Variants in EFNB2 observed in about 807,000 individuals in gnomAD.
The protein encoded by EFNB2 is ephrin B2, also known as ephrin-B2.
EFNB2 carries 5 observed loss-of-function variants against 32.1 expected under a neutral mutation model. The observed-to-expected ratio is 0.16, with a 90% CI of 0.08 to 0.33. The LOEUF is 0.33. Ranked by LOEUF, EFNB2 falls within the 10% of genes least tolerant of loss-of-function variation. The pLI is 1.00. For missense variants in EFNB2, 263 were observed against 422.6 expected, an observed-to-expected ratio of 0.62 and a Z score of 3.31; for synonymous variants, 168 against 166.5, an observed-to-expected ratio of 1.01 and a Z score of -0.07.
intron 1 of EFNB2, among the ~76,000 whole-genome samples, chr13:106,534,044 C>A (rs566801127): frequency 6.6e-6 from 1 of 152,168 alleles, no homozygotes; most frequent in East Asian, 1.9e-4. Flanking sequence ...TACCAGGGTC[C>A]CGAGGGAGAA....
In EFNB2 at chr13:106,531,506, A is replaced by G. The variant is rs1215193932; in HGVS notation, c.122+3337T>C. Among the ~76,000 whole-genome samples, 5 of 152,236 alleles carry G rather than the reference A, an allele frequency of 3.3e-5. No individual in the cohort carries two copies. The East Asian group carries it at 9.6e-4, about 29-fold the overall frequency. On this transcript the variant is annotated intron_variant, in intron 1 of 4. Transcript: ENST00000646441. ...GGAGCATAGTTCAAGGGGCTATTCA[A>G]TCAGTGCTGAATGTGCATTTGTTTA...
In EFNB2 at chr13:106,493,233, C is replaced by T. The variant is rs1435870127; in HGVS notation, c.809G>A (p.Ser270Asn). Residue 270 changes from serine (S) to asparagine (N), a missense_variant, in exon 5 of 5, where the codon AGC becomes AAC. Coordinates refer to ENST00000646441, the MANE Select transcript of EFNB2 (RefSeq NM_004093.4). This position sits in a 1 kb window ranked among gnomAD's most constrained non-coding sequence, Gnocchi z 6.1. ...GCTGCGCTTGGGTGTGGCCAGTGTGCTGAGCGACAGCGTGGTCGTGTGCTG... is the reference window on the plus strand; with the variant it reads ...GCTGCGCTTGGGTGTGGCCAGTGTGTTGAGCGACAGCGTGGTCGTGTGCTG... Reference protein sequence around the residue: ...SPQHTTTLSLSTLATPKRSGN... With the variant: ...SPQHTTTLSLNTLATPKRSGN... 6.2e-7 allele frequency: 1 copy of T among 1,614,168 alleles called. No homozygotes were observed. The highest frequency in any genetic ancestry group is 1.1e-5 in the South Asian group (1 of 91,070).
chr13:106,511,399 T>A (rs1011734980), intron 2 of EFNB2, among the ~76,000 whole-genome samples: 1 of 152,212 alleles, frequency 6.6e-6, no homozygotes, highest in African/African-American at 2.4e-5. Context: ...GAGGATCACT[T>A]GAGCCCTGGA....
intron 1 of EFNB2, among the ~76,000 whole-genome samples, chr13:106,528,861 G>A (rs1354243542): frequency 6.6e-6 from 1 of 152,118 alleles, no homozygotes; most frequent in African/African-American, 2.4e-5. Context: ...TGACTTTAAG[G>A]CTGGGCAGCA....
intron 2 of EFNB2, among the ~76,000 whole-genome samples, chr13:106,501,883 C>T (rs1013726889): frequency 6.6e-6 from 1 of 152,132 alleles, no homozygotes; most frequent in Non-Finnish European, 1.5e-5. Flanking sequence ...TGAGCCACCG[C>T]GCCCGGCCCA....
At chr13:106,500,012 G>A (rs1878719503) in intron 2 of EFNB2, among the ~76,000 whole-genome samples, 1 of 152,108 alleles carries the variant, frequency 6.6e-6, no homozygotes, top group South Asian at 2.1e-4. Flanking sequence ...CCATCTATTT[G>A]CACCTATACT....
At chr13:106,533,258 C>T (rs1266793991) in intron 1 of EFNB2, among the ~76,000 whole-genome samples, 7 of 150,008 alleles carry the variant, frequency 4.7e-5, no homozygotes, top group African/African-American at 1.7e-4. Context: ...GCGGGCTCCC[C>T]GCGACCGCCT....
Position 106,492,897 on chromosome 13 carries a change from C to T in EFNB2, c.*143G>A, listed in dbSNP as rs903033183. ...AGACTAGGTAAGCTGTCCAGCGCGA[C>T]GGGCTCTTCCGAGGAGGAGTGTCCC... On this transcript the variant is annotated 3_prime_UTR_variant, in exon 5 of 5. Transcript: ENST00000646441. The surrounding 1 kb of genome is among the most constrained non-coding windows in gnomAD (Gnocchi z 5.1). The T allele has an allele frequency of 2.1e-5, 24 of 1,120,568 alleles. No individual in the cohort carries two copies. The highest frequency in any genetic ancestry group is 7.8e-5 in the African/African-American group (5 of 63,976). The allele number at this position is 1,120,568 out of a possible 1,614,324, so 69.4% of individuals were successfully genotyped here. A position where few individuals can be genotyped will look rare whatever the true frequency, so the allele number is the denominator to read the frequency against.
intron 1 of EFNB2, among the ~76,000 whole-genome samples, chr13:106,523,746 C>A (rs959341694): frequency 6.6e-6 from 1 of 152,194 alleles, no homozygotes; most frequent in African/African-American, 2.4e-5. Flanking sequence ...GGCAAGAAGC[C>A]AGAATCCCAG....
intron 2 of EFNB2, among the ~76,000 whole-genome samples, chr13:106,499,982 C>G (rs2138905400): frequency 6.6e-6 from 1 of 152,320 alleles, no homozygotes; most frequent in African/African-American, 2.4e-5. Context: ...TGAAACCACA[C>G]AGCTGCCATC....
chr13:106,532,440 C>T (rs1879907928), intron 1 of EFNB2, among the ~76,000 whole-genome samples: 1 of 152,204 alleles, frequency 6.6e-6, no homozygotes, highest in Non-Finnish European at 1.5e-5. Flanking sequence ...CATTTGATTA[C>T]CTTCCTGCCA....
chr13:106,532,554 TAGAG>T (rs765869543), intron 1 of EFNB2, among the ~76,000 whole-genome samples: 3 of 152,148 alleles, frequency 2.0e-5, no homozygotes, highest in African/African-American at 4.8e-5. Flanking sequence ...CTCAAAAACT[TAGAG>T]AGGACTCTTT....
intron 2 of EFNB2, among the ~76,000 whole-genome samples, chr13:106,505,219 C>T (rs1026993033): frequency 2.0e-5 from 3 of 152,150 alleles, no homozygotes; most frequent in Admixed American, 2.0e-4. Flanking sequence ...CATGTGTGTA[C>T]GTATACTCTG....
At chr13:106,531,006 C>A (rs1879852262) in intron 1 of EFNB2, among the ~76,000 whole-genome samples, 1 of 152,206 alleles carries the variant, frequency 6.6e-6, no homozygotes. Flanking sequence ...GGTCTCCAGG[C>A]CCATGGCGAA....
chr13:106,522,918 C>A (rs915006207), intron 1 of EFNB2, among the ~76,000 whole-genome samples: 1 of 152,094 alleles, frequency 6.6e-6, no homozygotes, highest in Non-Finnish European at 1.5e-5. Context: ...AAAGAATGAA[C>A]AAATTAATAA....
chr13:106,523,400 A>C (rs1393287472), intron 1 of EFNB2, among the ~76,000 whole-genome samples: 5 of 152,150 alleles, frequency 3.3e-5, no homozygotes, highest in Non-Finnish European at 7.4e-5. Context: ...ACCAAAACCC[A>C]AAAACACCCT....
chr13:106,508,979 A>G (rs1046590328), intron 2 of EFNB2, among the ~76,000 whole-genome samples: 23 of 152,250 alleles, frequency 1.5e-4, no homozygotes, highest in African/African-American at 5.5e-4. Flanking sequence ...TAAAGAATTT[A>G]CAGAGGATCA....
chr13:106,510,690 T>TCA (rs1361129811), intron 2 of EFNB2, among the ~76,000 whole-genome samples: 1 of 152,176 alleles, frequency 6.6e-6, no homozygotes, highest in African/African-American at 2.4e-5. Context: ...TGCCTAACAG[T>TCA]AGCTTTCACT....
chr13:106,508,512 T>C (rs918397854), intron 2 of EFNB2, among the ~76,000 whole-genome samples: 21 of 152,192 alleles, frequency 1.4e-4, no homozygotes, highest in African/African-American at 4.8e-4. Context: ...GATCTCATTA[T>C]GCAAATCAGG....
Sources: gnomAD v4.1 joint callset for allele counts (sites outside exome capture counted in the v4.1 genomes callset) on GRCh38, gnomAD v4.1.1 for gene constraint, Gnocchi (gnomAD v3.1) non-coding constraint, MANE v1.5 for transcripts, NCBI Gene and HGNC (gene_info 2026-07-23, HGNC 2026-07-21) for gene names.